The following DIAPH3 variants were observed in gnomAD, a reference collection of about 807,000 sequenced individuals.
DIAPH3 encodes the protein diaphanous related formin 3.
A neutral mutation model predicts 144.3 loss-of-function variants in DIAPH3; 117 were observed. That is an observed-to-expected ratio of 0.81 (90% CI 0.70 to 0.95). The LOEUF (loss-of-function observed/expected upper bound fraction) is 0.95. DIAPH3 is among the 40% of genes least tolerant of loss of function. The pLI is 0.00. For synonymous variants in DIAPH3, 519 were observed against 488.9 expected (o/e 1.06, Z -0.81); for missense variants, 1,421 against 1,412.7 (o/e 1.01, Z -0.09).
At chr13:59,981,038 C>T (rs1047337874) in intron 13 of DIAPH3, among the ~76,000 whole-genome samples, 179 bp from the exon 14 acceptor site, 4 of 150,842 alleles carry the variant, frequency 2.7e-5, no homozygotes, top group African/African-American at 4.9e-5. Context: ...AGCATGATAC[C>T]AGAAAACAGA....
At chr13:59,988,536 G>A (rs970242030) in intron 12 of DIAPH3, among the ~76,000 whole-genome samples, 5 of 151,614 alleles carry the variant, frequency 3.3e-5, no homozygotes, top group Admixed American at 3.3e-4. Flanking sequence ...AAACTCACTG[G>A]GGAGGCAATA....
chr13:60,087,616 A>T (rs2057791384), intron 4 of DIAPH3, among the ~76,000 whole-genome samples: 1 of 152,180 alleles, frequency 6.6e-6, no homozygotes, highest in Non-Finnish European at 1.5e-5. Flanking sequence ...CTACAGTAAT[A>T]CTTAAGGAAG....
At chr13:59,833,352 G>T in intron 23 of DIAPH3, 81 bp from the exon 24 acceptor site, 1 of 1,071,132 alleles carries the variant, frequency 9.3e-7, no homozygotes, top group African/African-American at 1.6e-5. Context: ...CAATGTTTTA[G>T]TCTAATAGCC....
At chr13:59,686,423 GA>G (rs911791312) in intron 27 of DIAPH3, among the ~76,000 whole-genome samples, 3 of 150,328 alleles carry the variant, frequency 2.0e-5, no homozygotes, top group African/African-American at 7.3e-5. Context: ...CTCAAAAGAG[GA>G]AAAAAAATTC....
At chr13:59,842,710 A>G (rs1377468404) in intron 22 of DIAPH3, among the ~76,000 whole-genome samples, 1 of 152,144 alleles carries the variant, frequency 6.6e-6, no homozygotes, top group Non-Finnish European at 1.5e-5. Context: ...CTGAAGTTCC[A>G]CAATTCACTA....
intron 22 of DIAPH3, 140 bp downstream of exon 22, chr13:59,861,267 C>G: frequency 6.5e-7 from 1 of 1,541,482 alleles, no homozygotes; most frequent in Non-Finnish European, 8.7e-7. Flanking sequence ...TATCCTACAA[C>G]TCTCTTTATT....
chr13:59,774,582 G>A, intron 26 of DIAPH3, 146 bp downstream of exon 26: 1 of 800,014 alleles, frequency 1.2e-6, no homozygotes, highest in South Asian at 1.5e-5. Context: ...TCTGTGCAAG[G>A]GATTAAGCAA....
intron 27 of DIAPH3, among the ~76,000 whole-genome samples, chr13:59,723,891 G>A (rs926773770): frequency 1.3e-5 from 2 of 149,968 alleles, no homozygotes; most frequent in African/African-American, 4.9e-5. Flanking sequence ...GGGATTACAG[G>A]CATGAGCCAC....
intron 4 of DIAPH3, among the ~76,000 whole-genome samples, chr13:60,045,470 G>A (rs890620565): frequency 3.3e-5 from 5 of 152,022 alleles, no homozygotes; most frequent in African/African-American, 1.2e-4. Flanking sequence ...TGTTCTATAG[G>A]CTATTATCTT....
At chr13:59,925,662 A>C (rs1222830899) in intron 17 of DIAPH3, among the ~76,000 whole-genome samples, 4 of 152,148 alleles carry the variant, frequency 2.6e-5, no homozygotes, top group Non-Finnish European at 5.9e-5. Flanking sequence ...GGTAGAATTC[A>C]ACAGTGAAGC....
intron 3 of DIAPH3, among the ~76,000 whole-genome samples, chr13:60,107,291 G>A (rs1331557334): frequency 6.6e-6 from 1 of 151,988 alleles, no homozygotes; most frequent in African/African-American, 2.4e-5. Flanking sequence ...TTTCTTCAGT[G>A]TATGGGAGCA....
intron 27 of DIAPH3, among the ~76,000 whole-genome samples, chr13:59,723,959 T>TAAAA (rs144643410): frequency 3.7e-5 from 5 of 133,792 alleles, no homozygotes; most frequent in Non-Finnish European, 3.2e-5. Flanking sequence ...TGTTAAAAGT[T>TAAAA]AAAAAAAAAA....
At chr13:59,690,758 T>C (rs2033471709) in intron 27 of DIAPH3, among the ~76,000 whole-genome samples, 1 of 152,194 alleles carries the variant, frequency 6.6e-6, no homozygotes, top group Non-Finnish European at 1.5e-5. Context: ...GCTTAATTCA[T>C]GCAATTGAAG....
intron 27 of DIAPH3, among the ~76,000 whole-genome samples, chr13:59,757,759 G>A (rs1355030933): frequency 1.3e-5 from 2 of 152,108 alleles, no homozygotes; most frequent in Non-Finnish European, 2.9e-5. Context: ...ACTGTTAAAA[G>A]AGTACATGCT....
chr13:59,840,717 T>C (rs1180859961), intron 22 of DIAPH3, among the ~76,000 whole-genome samples: 1 of 152,148 alleles, frequency 6.6e-6, no homozygotes, highest in Non-Finnish European at 1.5e-5. Flanking sequence ...GAACCACATA[T>C]AATACTTGTT....
At chr13:59,842,675 C>T (rs1392574244) in intron 22 of DIAPH3, among the ~76,000 whole-genome samples, 2 of 152,136 alleles carry the variant, frequency 1.3e-5, no homozygotes, top group African/African-American at 4.8e-5. Flanking sequence ...CGCTATAAAT[C>T]TGGGGATTCC....
Position 59,914,642 on chromosome 13 carries a change from C to T in DIAPH3, c.2265+1513G>A, listed in dbSNP as rs570324312. ...GGAAGAAAAAAACAATAGAGTTGGA[C>T]GGAGATGTGACTATGAGACAAAGGA... On this transcript the variant is annotated intron_variant, in intron 19 of 27. Transcript: ENST00000400324. 9.9e-5 allele frequency among the ~76,000 whole-genome samples: 15 copies of T among 152,102 alleles called. No homozygotes were observed. In the East Asian group the frequency reaches 1.4e-3, roughly 14 times the overall value.
chr13:59,908,464 A>T (rs779656737), intron 20 of DIAPH3, among the ~76,000 whole-genome samples: 7 of 151,738 alleles, frequency 4.6e-5, no homozygotes, highest in Non-Finnish European at 7.4e-5. Flanking sequence ...TTGGTTACTA[A>T]TATTTTAGAT....
At chr13:59,793,569 T>C (rs2039431894) in intron 25 of DIAPH3, among the ~76,000 whole-genome samples, 1 of 152,338 alleles carries the variant, frequency 6.6e-6, no homozygotes, top group African/African-American at 2.4e-5. Flanking sequence ...TTGGGCTTCA[T>C]GATACCAGAC....
Sources: gnomAD v4.1 joint callset for allele counts (sites outside exome capture counted in the v4.1 genomes callset) on GRCh38, gnomAD v4.1.1 for gene constraint, MANE v1.5 for transcripts, NCBI Gene and HGNC (gene_info 2026-07-23, HGNC 2026-07-21) for gene names.